The following XKR4 variants were observed in gnomAD, a reference collection of about 807,000 sequenced individuals.
XKR4 encodes XK related 4, also known as XK-related protein 4.
XKR4 carries 12 observed loss-of-function variants against 53.9 expected under a neutral mutation model. That is an observed-to-expected ratio of 0.22 (90% confidence interval 0.14 to 0.36). The LOEUF is 0.36. Ranked by LOEUF, XKR4 falls within the 10% of genes least tolerant of loss-of-function variation. The pLI is 1.00. For missense variants in XKR4, 799 were observed against 859.5 expected (o/e 0.93, Z 0.88); for synonymous variants, 354 against 362.4 (o/e 0.98, Z 0.26).
At chr8:55,342,007 T>C (rs567770154) in intron 1 of XKR4, among the ~76,000 whole-genome samples, 2 of 152,158 alleles carry the variant, frequency 1.3e-5, no homozygotes, top group South Asian at 2.1e-4. Context: ...TGAATTCCAA[T>C]GCATGCATCC....
chr8:55,510,363 G>T (rs1806608849), intron 2 of XKR4, among the ~76,000 whole-genome samples: 1 of 152,184 alleles, frequency 6.6e-6, no homozygotes, highest in Admixed American at 6.5e-5. Flanking sequence ...GACTTGGTAT[G>T]TCATTTATCT....
chr8:55,503,106 T>C (rs941967884), intron 2 of XKR4, among the ~76,000 whole-genome samples: 3 of 152,224 alleles, frequency 2.0e-5, no homozygotes, highest in Admixed American at 6.5e-5. Flanking sequence ...ACTGTAGCTT[T>C]GTAGTAAGCT....
At chr8:55,411,696 T>A (rs1804780672) in intron 2 of XKR4, among the ~76,000 whole-genome samples, 1 of 152,112 alleles carries the variant, frequency 6.6e-6, no homozygotes, top group Non-Finnish European at 1.5e-5. Context: ...CCCCTGACAA[T>A]CAGCGTCTGT....
At chr8:55,161,783 G>A (rs554245716) in intron 1 of XKR4, 6 of 362,158 alleles carry the variant, frequency 1.7e-5, no homozygotes, top group Non-Finnish European at 2.7e-5. Flanking sequence ...CACTTCACAG[G>A]TTACAAAACT....
intron 2 of XKR4, among the ~76,000 whole-genome samples, chr8:55,377,583 CAG>C (rs1029477973): frequency 7.3e-5 from 11 of 151,246 alleles, no homozygotes; most frequent in African/African-American, 2.7e-4. Flanking sequence ...AAGAGGGAAA[CAG>C]GGGAGAGAGA....
At chr8:55,507,940 G>A (rs1017582092) in intron 2 of XKR4, among the ~76,000 whole-genome samples, 2 of 152,104 alleles carry the variant, frequency 1.3e-5, no homozygotes, top group Non-Finnish European at 2.9e-5. Flanking sequence ...TTCCACAATG[G>A]TTGAACTAGT....
chr8:55,470,650 G>T (rs1007269564), intron 2 of XKR4, among the ~76,000 whole-genome samples: 3 of 152,064 alleles, frequency 2.0e-5, no homozygotes, highest in African/African-American at 7.3e-5. Flanking sequence ...TTAAAGCAAG[G>T]CAAGCCCCCA....
chr8:55,141,668 T>TCTCTCA, intron 1 of XKR4, among the ~76,000 whole-genome samples: 1 of 149,982 alleles, frequency 6.7e-6, no homozygotes, highest in Non-Finnish European at 1.5e-5. Context: ...TCTCTCTCTC[T>TCTCTCA]CTCTGTGTGT....
intron 1 of XKR4, among the ~76,000 whole-genome samples, chr8:55,235,706 A>C (rs921848832): frequency 6.6e-6 from 1 of 152,196 alleles, no homozygotes; most frequent in Non-Finnish European, 1.5e-5. Flanking sequence ...ACCTGAAGGC[A>C]AAGCTTGGCA....
At chr8:55,176,494 C>A (rs765951246) in intron 1 of XKR4, among the ~76,000 whole-genome samples, 43 of 152,066 alleles carry the variant, frequency 2.8e-4, no homozygotes, top group Non-Finnish European at 4.7e-4. Context: ...GGAAAACTTT[C>A]CAGTTAAATC....
chr8:55,322,695 A>C (rs1001832373), intron 1 of XKR4, among the ~76,000 whole-genome samples: 3 of 152,198 alleles, frequency 2.0e-5, no homozygotes, highest in Non-Finnish European at 4.4e-5. Flanking sequence ...GTAGTATCTC[A>C]TTAAGATCTT....
At chr8:55,123,609 C>T (rs189059558) in intron 1 of XKR4, among the ~76,000 whole-genome samples, 2 of 152,188 alleles carry the variant, frequency 1.3e-5, no homozygotes, top group African/African-American at 2.4e-5. Flanking sequence ...AATGGGAGTA[C>T]CTTCCATCCC....
chr8:55,288,773 C>T (rs193250671), intron 1 of XKR4, among the ~76,000 whole-genome samples: 1 of 152,270 alleles, frequency 6.6e-6, no homozygotes, highest in African/African-American at 2.4e-5. Flanking sequence ...GGACAATAAT[C>T]CAACACAAGG....
intron 2 of XKR4, among the ~76,000 whole-genome samples, chr8:55,385,921 T>G (rs751885812): frequency 2.0e-5 from 3 of 152,216 alleles, no homozygotes; most frequent in Admixed American, 6.5e-5. Context: ...CCTAATTCTT[T>G]GTGTTGTCTT....
intron 2 of XKR4, among the ~76,000 whole-genome samples, chr8:55,397,990 A>C (rs952381249): frequency 6.6e-6 from 1 of 152,218 alleles, no homozygotes; most frequent in African/African-American, 2.4e-5. Flanking sequence ...ATTTGAAATC[A>C]GCCCAACCCA....
intron 1 of XKR4, among the ~76,000 whole-genome samples, chr8:55,273,629 C>T (rs1818723955): frequency 6.6e-6 from 1 of 152,150 alleles, no homozygotes; most frequent in Admixed American, 6.5e-5. Context: ...CTGGCTCATC[C>T]AATCTTGTGG....
At position 55,536,461 on chromosome 8, in the gene XKR4, G is replaced by T. The variant is rs190743438; in HGVS notation, c.*12234G>T. 1.1e-3 allele frequency: 173 copies of T among 152,286 alleles called. 1 individual carries two copies. The highest frequency in any genetic ancestry group is 3.9e-3 in the African/African-American group (164 of 41,540). The allele number at this position is 152,286 out of a possible 1,614,324, so 9.4% of individuals were successfully genotyped here. On this transcript the variant is annotated 3_prime_UTR_variant, in exon 3 of 3. Transcript: ENST00000327381. ...TCCACATGACTGCAAATATCCTGATGAAAAGTGGCCAAGTAGATCACTCAA... is the reference window on the plus strand; with the variant it reads ...TCCACATGACTGCAAATATCCTGATTAAAAGTGGCCAAGTAGATCACTCAA...
At chr8:55,423,100 C>CT (rs369306739) in intron 2 of XKR4, among the ~76,000 whole-genome samples, 17,973 of 146,746 alleles carry the variant, frequency 0.12, 2,745 homozygotes, top group African/African-American at 0.36. Context: ...AATCTTGACA[C>CT]TTTTTTTTTT....
chr8:55,142,352 C>A (rs1350956550), intron 1 of XKR4: 1 of 360,776 alleles, frequency 2.8e-6, no homozygotes, highest in Non-Finnish European at 5.5e-6. Context: ...ACTTCCTCAT[C>A]CTGATTAACG....
Sources: allele counts gnomAD v4.1 joint callset (sites outside exome capture counted in the v4.1 genomes callset), GRCh38; gene constraint gnomAD v4.1.1; transcripts MANE v1.5; gene names NCBI Gene and HGNC (gene_info 2026-07-23, HGNC 2026-07-21).